SCGB1D1: variants seen among roughly 807,000 people sequenced by gnomAD.
The protein encoded by SCGB1D1 is lipophilin A (uteroglobin family member).
A neutral mutation model predicts 8.3 loss-of-function variants in SCGB1D1; 10 were observed. The observed-to-expected ratio is 1.21, with a 90% CI of 0.74 to 2.05. The LOEUF (loss-of-function observed/expected upper bound fraction) is 2.05. Ranked by LOEUF, SCGB1D1 falls within the 30% of genes most tolerant of loss-of-function variation. The probability of loss-of-function intolerance (pLI) is 0.00; values close to 1 mark genes in which losing one functional copy is unlikely to be tolerated. For missense variants in SCGB1D1, 94 were observed against 105.1 expected (o/e 0.89, Z 0.46); for synonymous variants, 46 against 41.7 (o/e 1.10, Z -0.39).
At chr11:62,192,883 G>A (rs1429599512) in intron 2 of SCGB1D1, among the ~76,000 whole-genome samples, 1 of 152,220 alleles carries the variant, frequency 6.6e-6, no homozygotes, top group Non-Finnish European at 1.5e-5. Flanking sequence ...TCTTTCTCAA[G>A]AAATCAGAGG....
intron 1 of SCGB1D1, among the ~76,000 whole-genome samples, chr11:62,191,331 A>G (rs1320220254): frequency 6.6e-6 from 1 of 152,124 alleles, no homozygotes; most frequent in Non-Finnish European, 1.5e-5. Flanking sequence ...AAGCAAAATG[A>G]TTACTCCAGG....
chr11:62,192,995 C>A (rs1046826305), intron 2 of SCGB1D1, among the ~76,000 whole-genome samples: 11 of 152,178 alleles, frequency 7.2e-5, no homozygotes, highest in African/African-American at 2.7e-4. Context: ...GGTGCTCAGG[C>A]CCTGAGGCAG....
intron 2 of SCGB1D1, among the ~76,000 whole-genome samples, chr11:62,192,905 C>G (rs372039069): frequency 6.6e-6 from 1 of 152,356 alleles, no homozygotes. Context: ...TTTCCAGGGG[C>G]CTCTCAGCCT....
intron 2 of SCGB1D1, 65 bp downstream of exon 2, chr11:62,192,308 C>A (rs893721309): frequency 1.4e-6 from 2 of 1,418,018 alleles, no homozygotes; most frequent in African/African-American, 2.8e-5. Context: ...GTGAGGTCAG[C>A]TTGCTTGCTG....
At chr11:62,192,773 C>T (rs538957710) in intron 2 of SCGB1D1, among the ~76,000 whole-genome samples, 2 of 152,232 alleles carry the variant, frequency 1.3e-5, no homozygotes, top group East Asian at 3.9e-4. Flanking sequence ...CTCCACGCTC[C>T]CCTCCTCACC....
chr11:62,192,550 A>C (rs1180154102), intron 2 of SCGB1D1, among the ~76,000 whole-genome samples: 1 of 152,220 alleles, frequency 6.6e-6, no homozygotes, highest in Non-Finnish European at 1.5e-5. Context: ...TGAAGGGCCA[A>C]GCACAACTGT....
chr11:62,191,001 G>T (rs1157351621), intron 1 of SCGB1D1, among the ~76,000 whole-genome samples: 1 of 152,178 alleles, frequency 6.6e-6, no homozygotes, highest in Non-Finnish European at 1.5e-5. Context: ...TCTTCTAGGG[G>T]TCCTACCGTA....
chr11:62,190,479 G>A, intron 1 of SCGB1D1, 140 bp downstream of exon 1: 1 of 982,972 alleles, frequency 1.0e-6, no homozygotes. Context: ...TGAAGGAACT[G>A]CTCATAAAGC....
At position 62,192,145 on chromosome 11, in the gene SCGB1D1, T is replaced by C; in HGVS notation, c.145T>C (p.Phe49Leu). The C allele has an allele frequency of 1.2e-6, 2 of 1,613,960 alleles. No individual in the cohort carries two copies. Among genetic ancestry groups the C allele is most frequent in the Non-Finnish European group, 1.7e-6 (2 of 1,179,838 alleles). ...TGTGTTCAAGTTCCAACTTGCCAAA[T>C]TTAAGGCACCTCTGGAAGCTGTTGC... Reference protein sequence around the residue: ...KPVFKFQLAKFKAPLEAVAAK... With the variant: ...KPVFKFQLAKLKAPLEAVAAK... Residue 49 changes from phenylalanine (F) to leucine (L), a missense_variant, in exon 2 of 3, where the codon TTT becomes CTT. Transcript: ENST00000306238.
At chr11:62,193,024 C>T (rs1944691187) in intron 2 of SCGB1D1, among the ~76,000 whole-genome samples, 1 of 152,174 alleles carries the variant, frequency 6.6e-6, no homozygotes, top group African/African-American at 2.4e-5. Context: ...CATGGGGAGG[C>T]TGGAGTCTCC....
chr11:62,190,726 G>A (rs1944672090), intron 1 of SCGB1D1, among the ~76,000 whole-genome samples: 1 of 152,158 alleles, frequency 6.6e-6, no homozygotes, highest in African/African-American at 2.4e-5. Flanking sequence ...TCTTCCGGGA[G>A]TGGCAATGGG....
chr11:62,193,261 C>T, intron 2 of SCGB1D1, 138 bp from the exon 3 acceptor site: 1 of 723,292 alleles, frequency 1.4e-6, no homozygotes, highest in Non-Finnish European at 2.3e-6. Flanking sequence ...CCCTGGTTTC[C>T]CACACACACT....
chr11:62,191,713 C>A (rs1237499851), intron 1 of SCGB1D1, among the ~76,000 whole-genome samples: 1 of 152,148 alleles, frequency 6.6e-6, no homozygotes, highest in African/African-American at 2.4e-5. Flanking sequence ...ATGTCCAAGA[C>A]TAATAAAGTG....
At chr11:62,192,381 T>C in intron 2 of SCGB1D1, 138 bp downstream of exon 2, 1 of 703,884 alleles carries the variant, frequency 1.4e-6, no homozygotes, top group Non-Finnish European at 2.4e-6. Context: ...GAAGGTCACC[T>C]GGGACCACAG....
chr11:62,193,405 A>G lies in SCGB1D1; in HGVS notation c.250A>G (p.Ile84Val). Residue 84 changes from isoleucine (I) to valine (V), a missense_variant, in exon 3 of 3, where the codon ATA becomes GTA. Physicochemically the swap from Ile to Val is conservative, Grantham distance 29. Transcript: ENST00000306238. ...RVLITKTLGK[I>V]AEKCDR Reference sequence around the variant, plus strand: ...CTTTCCTTTTCTATTTCAGGGAAAAATAGCAGAGAAATGTGATCGCTGAGA... The same window carrying G: ...CTTTCCTTTTCTATTTCAGGGAAAAGTAGCAGAGAAATGTGATCGCTGAGA... 5 of 1,612,754 alleles carry G rather than the reference A, an allele frequency of 3.1e-6. No homozygotes were observed. The highest frequency in any genetic ancestry group is 4.2e-6 in the Non-Finnish European group (5 of 1,179,418).
At position 62,192,065 on chromosome 11, in the gene SCGB1D1, T is replaced by G. The variant is rs1020783700; in HGVS notation, c.65T>G (p.Val22Gly). 1 of 1,596,910 alleles carries G rather than the reference T, an allele frequency of 6.3e-7. No homozygotes were observed. The highest frequency in any genetic ancestry group is 1.3e-5 in the African/African-American group (1 of 74,086). ...LALCCYRANAVVCQALGSEIT... is the reference protein window; with the variant it reads ...LALCCYRANAGVCQALGSEIT... ...TATTCTTTTGCTCCAGCAAATGCAG[T>G]GGTCTGCCAAGCTCTTGGTTCTGAA... Residue 22 changes from valine (V) to glycine (G), a missense_variant, in exon 2 of 3, where the codon GTG (valine) becomes GGG (glycine). Coordinates refer to ENST00000306238, the MANE Select transcript of SCGB1D1 (RefSeq NM_006552.2).
intron 1 of SCGB1D1, among the ~76,000 whole-genome samples, chr11:62,191,166 C>T (rs1209464314): frequency 2.6e-5 from 4 of 152,144 alleles, no homozygotes; most frequent in African/African-American, 4.8e-5. Flanking sequence ...CTTTTCTGAA[C>T]CTCTCCCTGT....
chr11:62,191,999 G>A (rs186845202), intron 1 of SCGB1D1, 57 bp from the exon 2 acceptor site: 2 of 1,459,090 alleles, frequency 1.4e-6, no homozygotes, highest in Non-Finnish European at 1.9e-6. Context: ...CATCAGGGAG[G>A]CATGGGAGAA....
chr11:62,193,109 A>G (rs1944691929), intron 2 of SCGB1D1, among the ~76,000 whole-genome samples: 1 of 152,206 alleles, frequency 6.6e-6, no homozygotes, highest in South Asian at 2.1e-4. Context: ...TGCGGGGAAC[A>G]GGAGACTCCA....
Sources: allele counts gnomAD v4.1 joint callset (sites outside exome capture counted in the v4.1 genomes callset), GRCh38; gene constraint gnomAD v4.1.1; transcripts MANE v1.5; gene names NCBI Gene and HGNC (gene_info 2026-07-23, HGNC 2026-07-21).